The following GATAD2B variants were observed in gnomAD, a reference collection of about 807,000 sequenced individuals.
The protein encoded by GATAD2B is GATA zinc finger domain containing 2B.
In GATAD2B, 8 loss-of-function variants were observed where a neutral mutation model predicts 64.3. The observed-to-expected ratio is 0.12, with a 90% confidence interval of 0.07 to 0.22. The LOEUF is 0.22. Among genes scored for constraint, GATAD2B ranks in the 10% least tolerant of loss-of-function variants. The pLI, the probability that GATAD2B is intolerant of heterozygous loss-of-function variation, is 1.00. For missense variants in GATAD2B, 453 were observed against 752.0 expected (o/e 0.60, Z 4.65); for synonymous variants, 281 against 271.3 (o/e 1.04, Z -0.35).
chr1:153,829,597 C>T (rs996820994), intron 1 of GATAD2B, among the ~76,000 whole-genome samples: 3 of 151,548 alleles, frequency 2.0e-5, no homozygotes, highest in Non-Finnish European at 2.9e-5. Flanking sequence ...CTTAGCTGGG[C>T]GTGGTGGCGG....
At chr1:153,871,078 T>G (rs1187370368) in intron 1 of GATAD2B, among the ~76,000 whole-genome samples, 4 of 148,244 alleles carry the variant, frequency 2.7e-5, no homozygotes, top group South Asian at 2.1e-4. Context: ...TTGTTTTTTG[T>G]TTTTTTTTGA....
intron 1 of GATAD2B, among the ~76,000 whole-genome samples, chr1:153,916,277 G>GAAAAA (rs200305010): frequency 1.1e-5 from 1 of 92,606 alleles, no homozygotes. Context: ...TCCACCTCAA[G>GAAAAA]AAAAAAAAAA....
intron 1 of GATAD2B, among the ~76,000 whole-genome samples, chr1:153,857,240 G>GT (rs1300958162): frequency 6.6e-6 from 1 of 152,012 alleles, no homozygotes; most frequent in East Asian, 1.9e-4. Context: ...GAGGTCAGGA[G>GT]TTTGAGACCA....
intron 7 of GATAD2B, among the ~76,000 whole-genome samples, chr1:153,815,898 C>G (rs1294760980): frequency 1.3e-5 from 2 of 152,096 alleles, no homozygotes; most frequent in East Asian, 1.9e-4. Context: ...ACTAAAAATA[C>G]AAAAATTAAC....
intron 1 of GATAD2B, among the ~76,000 whole-genome samples, chr1:153,846,677 C>T (rs560158563): frequency 6.6e-6 from 1 of 150,952 alleles, no homozygotes; most frequent in South Asian, 2.1e-4. Flanking sequence ...TTCTCTGCCT[C>T]AGCCTCCCGA....
At chr1:153,872,993 T>C (rs1007188407) in intron 1 of GATAD2B, among the ~76,000 whole-genome samples, 1 of 134,656 alleles carries the variant, frequency 7.4e-6, no homozygotes, top group Non-Finnish European at 1.7e-5. Flanking sequence ...TTACTGCAAA[T>C]TTAAACTGCA....
In GATAD2B at chr1:153,827,358, C is replaced by A. The variant is rs538485969; in HGVS notation, c.335+655G>T. Among the ~76,000 whole-genome samples, 35 of 152,090 alleles carry A rather than the reference C, an allele frequency of 2.3e-4. 1 individual carries two copies. The highest frequency in any genetic ancestry group is 2.1e-3 in the South Asian group (10 of 4,810). Reference sequence around the variant, plus strand: ...CTGCACAGGGAGACTCAACCATTGGCCAGTTCCAGGTACCTCTCCTTACTG... The same window carrying A: ...CTGCACAGGGAGACTCAACCATTGGACAGTTCCAGGTACCTCTCCTTACTG... On this transcript the variant is annotated intron_variant, in intron 2 of 10. Transcript: ENST00000368655.
chr1:153,869,004 C>T (rs1676571375), intron 1 of GATAD2B, among the ~76,000 whole-genome samples: 1 of 152,108 alleles, frequency 6.6e-6, no homozygotes, highest in African/African-American at 2.4e-5. Flanking sequence ...CATACAAAGA[C>T]AATTCTTGCT....
intron 2 of GATAD2B, among the ~76,000 whole-genome samples, chr1:153,824,569 G>A (rs921701905): frequency 9.1e-5 from 12 of 131,266 alleles, no homozygotes; most frequent in South Asian, 2.4e-4. Context: ...CCAAGATTGC[G>A]CCACTTTACT....
chr1:153,854,144 T>G (rs1262291209), intron 1 of GATAD2B, among the ~76,000 whole-genome samples: 1 of 152,146 alleles, frequency 6.6e-6, no homozygotes, highest in Non-Finnish European at 1.5e-5. Flanking sequence ...GGCTCACACC[T>G]GTAATCCCAG....
At chr1:153,915,325 C>A (rs1571011463) in intron 1 of GATAD2B, among the ~76,000 whole-genome samples, 1 of 151,740 alleles carries the variant, frequency 6.6e-6, no homozygotes, top group African/African-American at 2.4e-5. Flanking sequence ...CAGGAGGCTG[C>A]GGCAGGAGAA....
intron 1 of GATAD2B, among the ~76,000 whole-genome samples, chr1:153,842,414 A>G (rs77841325): frequency 0.02 from 3,063 of 152,288 alleles, 109 homozygotes; most frequent in African/African-American, 0.07. Context: ...TAGTGAGACA[A>G]AACATTAGAT....
intron 1 of GATAD2B, among the ~76,000 whole-genome samples, chr1:153,864,947 G>A (rs1158696200): frequency 6.6e-6 from 1 of 151,994 alleles, no homozygotes. Context: ...GCGTGTGCCT[G>A]TAGTCCCAGC....
At chr1:153,819,302 G>GA (rs1674591290) in intron 3 of GATAD2B, among the ~76,000 whole-genome samples, 2 of 152,212 alleles carry the variant, frequency 1.3e-5, no homozygotes, top group Admixed American at 1.3e-4. Flanking sequence ...TTAGAGTGCA[G>GA]AAAGTATCCT....
Position 153,812,066 on chromosome 1 carries a change from C to T in GATAD2B, c.1486G>A (p.Val496Ile), listed in dbSNP as rs1399701490. Residue 496 changes from valine to isoleucine, a missense_variant, in exon 9 of 11, where the codon GTC becomes ATC. This residue lies in a region of GATAD2B where 160 missense variants were observed against 334.7 expected (regional missense o/e 0.48). Coordinates refer to ENST00000368655, the MANE Select transcript of GATAD2B (RefSeq NM_020699.4). ...SPTTAPAVSS[V>I]SKQETIMRHH... is the part of the protein sequence containing the mutation. ...CTCATGATGGTCTCTTGTTTACTGA[C>T]ACTGGACACAGCTGGAGCCGTAGTG... The T allele has an allele frequency of 1.9e-6, 3 of 1,613,050 alleles. No homozygotes were observed. The highest frequency in any genetic ancestry group is 3.3e-5 in the Admixed American group (2 of 60,006).
intron 1 of GATAD2B, among the ~76,000 whole-genome samples, chr1:153,883,223 C>G (rs745712384): frequency 1.1e-4 from 17 of 152,228 alleles, no homozygotes; most frequent in African/African-American, 3.6e-4. Flanking sequence ...CTTCACCCTA[C>G]GCAAAAATAT....
rs142865226 is a variant in GATAD2B at position 153,877,155 on chromosome 1, T to C, written c.-2+45578A>G. ...TTTGAGACCAGCCTGGGAAAAACAGTGAGCCTCTGTCTCTACCAAAAATAA... is the reference window on the plus strand; with the variant it reads ...TTTGAGACCAGCCTGGGAAAAACAGCGAGCCTCTGTCTCTACCAAAAATAA... On this transcript the variant is annotated intron_variant, in intron 1 of 10. Transcript: ENST00000368655. Among the ~76,000 whole-genome samples the C allele has an allele frequency of 4.6e-3, 699 of 152,246 alleles. 4 individuals carry two copies. Among genetic ancestry groups the C allele is most frequent in the African/African-American group, 0.016 (661 of 41,554 alleles).
intron 4 of GATAD2B, among the ~76,000 whole-genome samples, chr1:153,818,385 G>A (rs1008845093): frequency 6.7e-6 from 1 of 149,444 alleles, no homozygotes; most frequent in Non-Finnish European, 1.5e-5. Context: ...CCTGATCTCG[G>A]CTCACTGCAA....
Position 153,897,895 on chromosome 1 carries a change from C to G in GATAD2B, c.-2+24838G>C, listed in dbSNP as rs558327672. Among the ~76,000 whole-genome samples, 42 of 150,008 alleles carry G rather than the reference C, an allele frequency of 2.8e-4. 1 individual carries two copies. The East Asian group carries it at 8.2e-3, about 29-fold the overall frequency. On this transcript the variant is annotated intron_variant, in intron 1 of 10. Coordinates refer to ENST00000368655, the MANE Select transcript of GATAD2B (RefSeq NM_020699.4). ...GCACGGTGGCTCACACCTGTAATCC[C>G]GATGCTTTGGAAGACCTCGACGAAC...
Sources: gnomAD v4.1 joint callset for allele counts (sites outside exome capture counted in the v4.1 genomes callset) on GRCh38, gnomAD v4.1.1 for gene constraint, gnomAD v4.1.1 regional missense constraint, MANE v1.5 for transcripts, NCBI Gene and HGNC (gene_info 2026-07-23, HGNC 2026-07-21) for gene names.